ANO1: variants seen among roughly 807,000 people sequenced by gnomAD.
The protein encoded by ANO1 is anoctamin 1.
ANO1 carries 59 observed loss-of-function variants against 124.0 expected under a neutral mutation model. That is an observed-to-expected ratio of 0.48 (90% CI 0.39 to 0.59). The LOEUF (loss-of-function observed/expected upper bound fraction) is 0.59, where lower values mean the gene tolerates loss of function less well. ANO1 is among the 20% of genes least tolerant of loss of function. The pLI is 0.00. For missense variants in ANO1, 1,059 were observed against 1,328.0 expected (o/e 0.80, Z 3.15); for synonymous variants, 529 against 532.0 (o/e 0.99, Z 0.08).
At chr11:70,100,000 C>A (rs1177475692) in intron 2 of ANO1, among the ~76,000 whole-genome samples, 1 of 152,192 alleles carries the variant, frequency 6.6e-6, no homozygotes. Context: ...ATCATCAGTT[C>A]TCAGAGGGAG....
chr11:70,144,251 C>T (rs117962002), intron 11 of ANO1, among the ~76,000 whole-genome samples: 8,161 of 152,270 alleles, frequency 0.054, 305 homozygotes, highest in Middle Eastern at 0.092. Flanking sequence ...TCCCTGCGAC[C>T]GAGCTGGGCC....
intron 1 of ANO1, among the ~76,000 whole-genome samples, chr11:69,999,319 A>G (rs1475636575): frequency 2.6e-5 from 4 of 152,164 alleles, no homozygotes; most frequent in African/African-American, 7.2e-5. Context: ...ACTTACTCTC[A>G]TGAGGACAGT....
chr11:70,175,350 C>A (rs543856796), intron 22 of ANO1, among the ~76,000 whole-genome samples: 4 of 152,244 alleles, frequency 2.6e-5, no homozygotes, highest in Non-Finnish European at 5.9e-5. Flanking sequence ...GTTCCTTAAC[C>A]GTAACCTTTC....
intron 1 of ANO1, chr11:70,015,613 G>C (rs1194229807): frequency 6.6e-6 from 1 of 152,460 alleles, no homozygotes; most frequent in Non-Finnish European, 1.5e-5. Flanking sequence ...CCACTTCCAC[G>C]TGGCTCACTG....
chr11:70,120,352 C>A (rs2046210817), intron 8 of ANO1, among the ~76,000 whole-genome samples: 1 of 152,132 alleles, frequency 6.6e-6, no homozygotes. Flanking sequence ...CCCAGGTGAG[C>A]AAGGCACGCC....
chr11:70,078,557 T>C lies in ANO1; in HGVS notation c.-50T>C. The C allele has an allele frequency of 1.5e-6, 2 of 1,327,612 alleles. No individual in the cohort carries two copies. Among genetic ancestry groups the C allele is most frequent in the South Asian group, 1.4e-5 (1 of 73,860 alleles). The allele number at this position is 1,327,612 out of a possible 1,614,324, so 82.2% of individuals were successfully genotyped here. On this transcript the variant is annotated 5_prime_UTR_variant, in exon 1 of 26. Transcript: ENST00000355303. ...CCGCCCGCAGAGGCCGCCGGGGCCG[T>C]GGATGGGGAGGGCGCGCCGCCCGGC...
chr11:70,002,267 C>A (rs1290530291), intron 1 of ANO1, among the ~76,000 whole-genome samples: 4 of 151,878 alleles, frequency 2.6e-5, no homozygotes, highest in African/African-American at 9.7e-5. Context: ...AATATGGGAC[C>A]AGCCTGCCCA....
At chr11:70,165,756 G>A (rs1179539778) in intron 20 of ANO1, among the ~76,000 whole-genome samples, 186 bp downstream of exon 20, 2 of 152,142 alleles carry the variant, frequency 1.3e-5, no homozygotes, top group African/African-American at 4.8e-5. Context: ...CATGGTGGCT[G>A]ACGCCTGTAA....
At chr11:70,126,020 A>T in intron 9 of ANO1, 41 bp from the exon 10 acceptor site, 1 of 1,561,678 alleles carries the variant, frequency 6.4e-7, no homozygotes, top group Non-Finnish European at 8.7e-7. Context: ...GCTAGTATTG[A>T]ATGACAGTGG....
At chr11:70,116,265 C>T (rs1218931219) in intron 7 of ANO1, among the ~76,000 whole-genome samples, 193 bp from the exon 8 acceptor site, 4 of 152,180 alleles carry the variant, frequency 2.6e-5, no homozygotes, top group African/African-American at 7.2e-5. Context: ...CCAACAGGGA[C>T]GTGCACGGCC....
chr11:70,154,949 T>C (rs2047749186), intron 14 of ANO1, among the ~76,000 whole-genome samples: 1 of 152,162 alleles, frequency 6.6e-6, no homozygotes, highest in Non-Finnish European at 1.5e-5. Flanking sequence ...GCGCCCCTCA[T>C]TCCCTCCTGG....
Position 70,087,838 on chromosome 11 carries a change from C to G in ANO1, c.195C>G (p.Ile65Met). The change falls in exon 2 of 26, where the codon ATC becomes ATG. Residue 65 changes from isoleucine (I) to methionine (M), a missense_variant. This residue lies in a region of ANO1 where 250 missense variants were observed against 233.1 expected (regional missense o/e 1.07). Transcript: ENST00000355303. The part of the protein sequence containing the change: ...FRDGRRKVDY[I>M]LVYHHKRPSG... ...ACGGCCGGCGCAAGGTGGACTACAT[C>G]CTGGTGTACCATCACAAGAGGCCCT... 1 of 1,613,132 alleles carries G rather than the reference C, an allele frequency of 6.2e-7. No homozygotes were observed. Among genetic ancestry groups the G allele is most frequent in the Non-Finnish European group, 8.5e-7 (1 of 1,179,764 alleles).
chr11:70,162,678 A>C (rs1357985081), intron 18 of ANO1, among the ~76,000 whole-genome samples: 1 of 144,872 alleles, frequency 6.9e-6, no homozygotes, highest in African/African-American at 2.6e-5. Context: ...CCTCCTCCAC[A>C]TCATGTGATT....
chr11:70,144,877 C>T (rs954028660), intron 11 of ANO1, among the ~76,000 whole-genome samples: 4 of 152,214 alleles, frequency 2.6e-5, no homozygotes, highest in Non-Finnish European at 5.9e-5. Flanking sequence ...CTCAGAACCT[C>T]AGCTATGTGT....
intron 24 of ANO1, among the ~76,000 whole-genome samples, chr11:70,183,000 T>A (rs1451610067): frequency 6.6e-6 from 1 of 152,120 alleles, no homozygotes; most frequent in Non-Finnish European, 1.5e-5. Flanking sequence ...TTCTAGCTAC[T>A]CGGGAGGCTG....
chr11:70,161,380 A>C lies in ANO1; in HGVS notation c.1780+18A>C. 1 of 1,612,184 alleles carries C rather than the reference A, an allele frequency of 6.2e-7. No individual in the cohort carries two copies. Among genetic ancestry groups the C allele is most frequent in the Non-Finnish European group, 8.5e-7 (1 of 1,178,432 alleles). On this transcript the variant is annotated intron_variant, in intron 17 of 25. Coordinates refer to ENST00000355303, the MANE Select transcript of ANO1 (RefSeq NM_018043.7). ...CAAGATCGGTGAGTGCCCATGTTCC[A>C]GGTACTGTGGCCTGGACTCAGGCAG...
chr11:70,146,691 CA>C (rs1314943423), intron 11 of ANO1, among the ~76,000 whole-genome samples: 1 of 152,078 alleles, frequency 6.6e-6, no homozygotes, highest in African/African-American at 2.4e-5. Context: ...CCCAAAACCC[CA>C]AAAGTAGGAA....
chr11:70,058,230 A>C (rs568122827), intron 1 of ANO1, among the ~76,000 whole-genome samples: 1 of 152,346 alleles, frequency 6.6e-6, no homozygotes, highest in African/African-American at 2.4e-5. Context: ...AGGACATCCA[A>C]TTAGAGAGTG....
At chr11:70,017,647 T>C (rs1555002160) in intron 1 of ANO1, among the ~76,000 whole-genome samples, 1 of 152,034 alleles carries the variant, frequency 6.6e-6, no homozygotes, top group African/African-American at 2.4e-5. Context: ...TCCGAGTAGC[T>C]GGGATTACGG....
Sources: gnomAD v4.1 joint callset for allele counts (sites outside exome capture counted in the v4.1 genomes callset) on GRCh38, gnomAD v4.1.1 for gene constraint, gnomAD v4.1.1 regional missense constraint, MANE v1.5 for transcripts, NCBI Gene and HGNC (gene_info 2026-07-23, HGNC 2026-07-21) for gene names.